Variants in SPATA16 observed in about 807,000 individuals in gnomAD.
The protein encoded by SPATA16 is spermatogenesis associated 16.
Under a neutral mutation model 63.3 loss-of-function variants are expected in SPATA16, and 36 were observed. The observed-to-expected ratio is 0.57, with a 90% CI of 0.44 to 0.75. SPATA16 has a LOEUF of 0.75. Among genes scored for constraint, SPATA16 ranks in the 30% least tolerant of loss-of-function variants. The pLI is 0.00. For synonymous variants in SPATA16, 203 were observed against 216.7 expected (o/e 0.94, Z 0.56); for missense variants, 646 against 679.3 (o/e 0.95, Z 0.54).
chr3:173,066,342 G>T (rs1295292869), intron 2 of SPATA16, among the ~76,000 whole-genome samples: 1 of 152,156 alleles, frequency 6.6e-6, no homozygotes, highest in Admixed American at 6.5e-5. Flanking sequence ...GCAGGCCTTG[G>T]GTGAGCCCCA....
intron 6 of SPATA16, among the ~76,000 whole-genome samples, chr3:172,943,191 A>T (rs1261387833): frequency 6.6e-6 from 1 of 152,248 alleles, no homozygotes; most frequent in Non-Finnish European, 1.5e-5. Context: ...GTTAAACGTA[A>T]GAAAAAGGAT....
chr3:173,090,034 A>AG (rs1491175703), intron 2 of SPATA16, among the ~76,000 whole-genome samples: 1 of 152,220 alleles, frequency 6.6e-6, no homozygotes, highest in Non-Finnish European at 1.5e-5. Flanking sequence ...AATAAAACAA[A>AG]GAGGAAGAAA....
At chr3:172,933,449 C>T (rs148921663) in intron 6 of SPATA16, among the ~76,000 whole-genome samples, 270 of 152,138 alleles carry the variant, frequency 1.8e-3, no homozygotes, top group Admixed American at 0.012. Context: ...GAGTGGGATC[C>T]GGGAATTGTG....
At chr3:172,933,072 T>G (rs756867451) in intron 6 of SPATA16, among the ~76,000 whole-genome samples, 7 of 152,236 alleles carry the variant, frequency 4.6e-5, no homozygotes, top group Non-Finnish European at 8.8e-5. Flanking sequence ...TATTGGATCT[T>G]TATTCTGGGC....
chr3:172,913,510 TC>T (rs1463164580), intron 10 of SPATA16, 150 bp downstream of exon 10: 2 of 705,262 alleles, frequency 2.8e-6, no homozygotes, highest in Non-Finnish European at 4.8e-6. Context: ...TGGTCACACT[TC>T]CAGGGAGAGA....
chr3:172,933,933 G>C (rs1732924341), intron 6 of SPATA16, among the ~76,000 whole-genome samples: 1 of 152,040 alleles, frequency 6.6e-6, no homozygotes, highest in Non-Finnish European at 1.5e-5. Flanking sequence ...TCTTATTTAA[G>C]AAAAATAACA....
At chr3:172,945,076 G>A (rs984677229) in intron 6 of SPATA16, among the ~76,000 whole-genome samples, 5 of 152,068 alleles carry the variant, frequency 3.3e-5, no homozygotes, top group African/African-American at 1.2e-4. Flanking sequence ...ATTAGGATCC[G>A]AAAAATCTTG....
At chr3:173,026,838 T>C (rs1282248041) in intron 3 of SPATA16, among the ~76,000 whole-genome samples, 1 of 151,954 alleles carries the variant, frequency 6.6e-6, no homozygotes, top group Non-Finnish European at 1.5e-5. Flanking sequence ...TAATAAATCT[T>C]TAAATCAGGT....
chr3:172,982,756 G>A (rs572323675), intron 4 of SPATA16, among the ~76,000 whole-genome samples: 11 of 152,134 alleles, frequency 7.2e-5, no homozygotes, highest in Non-Finnish European at 1.2e-4. Flanking sequence ...AGGATTATGA[G>A]TACAAGCACA....
At chr3:173,038,546 C>T (rs1038117896) in intron 3 of SPATA16, among the ~76,000 whole-genome samples, 11 of 151,914 alleles carry the variant, frequency 7.2e-5, no homozygotes, top group African/African-American at 2.4e-4. Context: ...TAGTGTTGGT[C>T]CTTACCTATT....
At position 173,088,084 on chromosome 3, in the gene SPATA16, TTTC is replaced by T. The variant is rs537513434; in HGVS notation, c.612+29033_612+29035del. Among the ~76,000 whole-genome samples, 483 of 126,018 alleles carry T rather than the reference TTTC, an allele frequency of 3.8e-3. 6 individuals carry two copies. The highest frequency in any genetic ancestry group is 9.5e-3 in the African/African-American group (280 of 29,340). The allele number at this position is 126,018 out of a possible 152,430, so 82.7% of individuals were successfully genotyped here. ...TTTCTTTCTTTCTTTCTTTCTGTCT[TTTC>T]TTTTTTTTTTTTTTTTGAGATGGAG... On this transcript the variant is annotated intron_variant, in intron 2 of 10. Transcript: ENST00000351008.
chr3:173,138,974 T>C (rs1268946035), intron 1 of SPATA16, among the ~76,000 whole-genome samples: 1 of 152,222 alleles, frequency 6.6e-6, no homozygotes, highest in African/African-American at 2.4e-5. Context: ...TAAAGCTGAA[T>C]CTTCACCTTC....
intron 2 of SPATA16, among the ~76,000 whole-genome samples, chr3:173,060,211 C>T (rs930915089): frequency 8.6e-5 from 13 of 152,026 alleles, no homozygotes; most frequent in African/African-American, 2.9e-4. Flanking sequence ...GAGCTGAGAT[C>T]GTGCCATTGC....
chr3:173,108,632 T>G (rs1737675158), intron 2 of SPATA16, among the ~76,000 whole-genome samples: 1 of 152,206 alleles, frequency 6.6e-6, no homozygotes, highest in Non-Finnish European at 1.5e-5. Context: ...GTGATTGTAA[T>G]TATAAAGTCA....
At chr3:173,028,166 A>C (rs2108282146) in intron 3 of SPATA16, among the ~76,000 whole-genome samples, 1 of 150,102 alleles carries the variant, frequency 6.7e-6, no homozygotes, top group East Asian at 2.0e-4. Context: ...CAAAGTAGTG[A>C]TTGTTTCATC....
chr3:172,900,751 C>T (rs998324244), intron 10 of SPATA16, among the ~76,000 whole-genome samples: 3 of 152,048 alleles, frequency 2.0e-5, no homozygotes, highest in African/African-American at 7.3e-5. Context: ...AGTGATTCTC[C>T]TGCCTCAGCC....
At chr3:173,051,570 C>T (rs534180517) in intron 2 of SPATA16, among the ~76,000 whole-genome samples, 15 of 152,082 alleles carry the variant, frequency 9.9e-5, no homozygotes, top group Non-Finnish European at 1.5e-5. Flanking sequence ...CTCCTGACCT[C>T]AAGTAATCTG....
Position 173,108,510 on chromosome 3 carries a change from G to A in SPATA16, c.612+8610C>T, listed in dbSNP as rs562483244. On this transcript the variant is annotated intron_variant, in intron 2 of 10. Transcript: ENST00000351008. ...TTAAGCTGCTCCATAGTCAACCTGG[G>A]ATTGTAAAAATACCAATGTTCCAGG... is the stretch of plus-strand genomic sequence containing the variant. Among the ~76,000 whole-genome samples the A allele has an allele frequency of 3.9e-5, 6 of 152,232 alleles. No homozygotes were observed. In the South Asian group the frequency reaches 6.2e-4, roughly 16 times the overall value.
chr3:172,924,303 A>C lies in SPATA16; in HGVS notation c.1243T>G (p.Phe415Val), dbSNP rs1399028712. 6.2e-7 allele frequency: 1 copy of C among 1,612,760 alleles called. No individual in the cohort carries two copies. Among genetic ancestry groups the C allele is most frequent in the African/African-American group, 1.3e-5 (1 of 75,016 alleles). Reference protein sequence around the residue: ...LPIFTEHKTPFGLTREDTVRQ... With the variant: ...LPIFTEHKTPVGLTREDTVRQ... ...ACTGTATCTTCTCTGGTCAGACCGA[A>C]AGGTGTTTTATGCTCTAAAAATTGT... The change falls in exon 8 of 11, where the codon TTC becomes GTC. Residue 415 changes from phenylalanine (F) to valine (V), a missense_variant. Coordinates refer to ENST00000351008, the MANE Select transcript of SPATA16 (RefSeq NM_031955.6).
Sources: allele counts gnomAD v4.1 joint callset (sites outside exome capture counted in the v4.1 genomes callset), GRCh38; gene constraint gnomAD v4.1.1; transcripts MANE v1.5; gene names NCBI Gene and HGNC (gene_info 2026-07-23, HGNC 2026-07-21).